CALCRL: variants seen among roughly 807,000 people sequenced by gnomAD.
CALCRL encodes the protein calcitonin gene-related peptide type 1 receptor.
In CALCRL, 27 loss-of-function variants were observed where a neutral mutation model predicts 60.4. The ratio of observed to expected loss-of-function variants is 0.45; its 90% CI spans 0.33 to 0.62. The LOEUF is 0.62. Among genes scored for constraint, CALCRL ranks in the 20% least tolerant of loss-of-function variants. The pLI, the probability that CALCRL is intolerant of heterozygous loss-of-function variation, is 0.03. For missense variants in CALCRL, 424 were observed against 540.7 expected (o/e 0.78, Z 2.14); for synonymous variants, 190 against 182.6 (o/e 1.04, Z -0.33).
At chr2:187,374,228 A>C (rs531748673) in intron 8 of CALCRL, among the ~76,000 whole-genome samples, 2 of 152,252 alleles carry the variant, frequency 1.3e-5, no homozygotes, top group African/African-American at 4.8e-5. Flanking sequence ...AGACATACAG[A>C]AAGTATTTAA....
intron 1 of CALCRL, among the ~76,000 whole-genome samples, chr2:187,444,766 C>CT (rs1013493139): frequency 1.8e-4 from 28 of 151,358 alleles, no homozygotes; most frequent in Middle Eastern, 3.4e-3. Flanking sequence ...CATTTCTTCT[C>CT]TTTTTTGTAA....
rs1687882446 is a variant in CALCRL at position 187,379,047 on chromosome 2, AC to A, written c.409-17del. ...TTAGTGCAGTCTGTAATTTGTATAA[AC>A]AAAAAAATTTGGTTCATATCAATAC... On this transcript the variant is annotated splice_polypyrimidine_tract_variant and intron_variant, in intron 7 of 14. Coordinates refer to ENST00000392370, the MANE Select transcript of CALCRL (RefSeq NM_005795.6). The A allele has an allele frequency of 6.5e-7, 1 of 1,531,204 alleles. No homozygotes were observed. Among genetic ancestry groups the A allele is most frequent in the African/African-American group, 1.4e-5 (1 of 73,108 alleles). The allele number at this position is 1,531,204 out of a possible 1,614,324, so 94.9% of individuals were successfully genotyped here.
rs1210273676 is a variant in CALCRL at position 187,359,213 on chromosome 2, TGTC to T, written c.838_840del (p.Asp280del). The stretch of plus-strand genomic sequence containing the variant: ...AATAATAAAAAGAGATTTTCTTACT[TGTC>T]ATTGTAATATAAGCTTCTAGCAATG... On this transcript the variant is annotated inframe_deletion and splice_region_variant, in exon 11 of 15. Coordinates refer to ENST00000392370, the MANE Select transcript of CALCRL (RefSeq NM_005795.6). The T allele has an allele frequency of 6.3e-7, 1 of 1,593,898 alleles. No individual in the cohort carries two copies. The highest frequency in any genetic ancestry group is 8.6e-7 in the Non-Finnish European group (1 of 1,168,132).
intron 1 of CALCRL, among the ~76,000 whole-genome samples, chr2:187,416,448 G>A (rs1307595352): frequency 6.6e-6 from 1 of 151,930 alleles, no homozygotes; most frequent in Non-Finnish European, 1.5e-5. Flanking sequence ...GAGTGGCCCT[G>A]TTTCTTACAC....
At chr2:187,437,098 A>G (rs1690676141) in intron 1 of CALCRL, among the ~76,000 whole-genome samples, 1 of 152,074 alleles carries the variant, frequency 6.6e-6, no homozygotes. Context: ...TTTTGGGTCA[A>G]TCTCCCAAGC....
intron 1 of CALCRL, among the ~76,000 whole-genome samples, chr2:187,438,822 CTT>C (rs1019831447): frequency 6.6e-6 from 1 of 152,104 alleles, no homozygotes; most frequent in Non-Finnish European, 1.5e-5. Context: ...TCTTTACTAA[CTT>C]TTTTCCTTTC....
Position 187,402,420 on chromosome 2 carries a change from AGT to A in CALCRL, c.-292-14666_-292-14665del, listed in dbSNP as rs59396175. Among the ~76,000 whole-genome samples, 7 of 148,382 alleles carry A rather than the reference AGT, an allele frequency of 4.7e-5. No homozygotes were observed. The East Asian group carries it at 5.9e-4, about 13-fold the overall frequency. On this transcript the variant is annotated intron_variant, in intron 1 of 14. Transcript: ENST00000392370. ...TTTACATGGAGGAAGTATGTTTGTGAGTGTGTGTGTGTGTGTATGTGAGAGAG... is the reference window on the plus strand; with the variant it reads ...TTTACATGGAGGAAGTATGTTTGTGAGTGTGTGTGTGTGTATGTGAGAGAG...
intron 1 of CALCRL, among the ~76,000 whole-genome samples, chr2:187,399,344 A>C (rs1688785781): frequency 6.6e-6 from 1 of 151,492 alleles, no homozygotes; most frequent in Non-Finnish European, 1.5e-5. Flanking sequence ...ATCCACAACT[A>C]ATATGTACCT....
At chr2:187,421,378 A>T (rs1397471327) in intron 1 of CALCRL, among the ~76,000 whole-genome samples, 1 of 152,158 alleles carries the variant, frequency 6.6e-6, no homozygotes, top group East Asian at 1.9e-4. Flanking sequence ...GCACCTCAGA[A>T]CATGAGACTT....
chr2:187,359,262 C>A lies in CALCRL; in HGVS notation c.792G>T (p.Leu264=). 1.3e-6 allele frequency: 2 copies of A among 1,549,096 alleles called. No homozygotes were observed. The highest frequency in any genetic ancestry group is 1.2e-5 in the South Asian group (1 of 80,116). The change falls in exon 11 of 15, where the codon CTG becomes CTT. Residue 264 remains leucine, a synonymous_variant. Transcript: ENST00000392370. ...WYYFLGWGFP[L]IPACIHAIAR... ...CAATGGCATGTATACAAGCAGGAAT[C>A]AGTGGAAATCCTGTAATAACAAAAA...
At chr2:187,412,928 T>C (rs539734392) in intron 1 of CALCRL, among the ~76,000 whole-genome samples, 20 of 152,344 alleles carry the variant, frequency 1.3e-4, no homozygotes, top group African/African-American at 4.8e-4. Flanking sequence ...TAAATATGCT[T>C]TGTTGATTGT....
At chr2:187,357,440 G>A (rs1172322060) in intron 12 of CALCRL, among the ~76,000 whole-genome samples, 6 of 150,230 alleles carry the variant, frequency 4.0e-5, no homozygotes, top group Non-Finnish European at 8.9e-5. Context: ...ACTCATAAGT[G>A]GGAGTTGAAC....
In CALCRL at chr2:187,379,070, A is replaced by T. The variant is rs767460639; in HGVS notation, c.409-39T>A. On this transcript the variant is annotated intron_variant, in intron 7 of 14. Transcript: ENST00000392370. ...AAACAAAAAAATTTGGTTCATATCA[A>T]TACTATAAGTATCTGTAATCCCACA... The T allele has an allele frequency of 7.9e-6, 8 of 1,014,000 alleles. No homozygotes were observed. The African/African-American group carries it at 1.3e-4, about 16-fold the overall frequency. The allele number at this position is 1,014,000 out of a possible 1,614,324, so 62.8% of individuals were successfully genotyped here.
intron 8 of CALCRL, among the ~76,000 whole-genome samples, chr2:187,378,448 A>T (rs993234089): frequency 6.6e-6 from 1 of 152,180 alleles, no homozygotes; most frequent in Admixed American, 6.5e-5. Flanking sequence ...TAAAATTGAA[A>T]GTACAATTAA....
chr2:187,422,726 T>C lies in CALCRL; in HGVS notation c.-293+25313A>G, dbSNP rs892412387. On this transcript the variant is annotated intron_variant, in intron 1 of 14. Coordinates refer to ENST00000392370, the MANE Select transcript of CALCRL (RefSeq NM_005795.6). ...ATTATCAGCAACATTGTGTTGCTGA[T>C]AACTTCTAAGAGACAAGATTAGGTT... Among the ~76,000 whole-genome samples, 3 of 151,960 alleles carry C rather than the reference T, an allele frequency of 2.0e-5. No individual in the cohort carries two copies. The South Asian group carries it at 6.2e-4, about 31-fold the overall frequency.
At chr2:187,360,106 G>A (rs1331298591) in intron 10 of CALCRL, among the ~76,000 whole-genome samples, 3 of 151,916 alleles carry the variant, frequency 2.0e-5, no homozygotes, top group East Asian at 1.9e-4. Context: ...ACCACATCAG[G>A]ATATTGTGTA....
At chr2:187,438,341 G>A (rs1690738636) in intron 1 of CALCRL, among the ~76,000 whole-genome samples, 1 of 152,096 alleles carries the variant, frequency 6.6e-6, no homozygotes, top group Non-Finnish European at 1.5e-5. Flanking sequence ...AATGAGGTAA[G>A]GTCATTGACA....
At chr2:187,396,021 T>TTG (rs1553511283) in intron 1 of CALCRL, among the ~76,000 whole-genome samples, 2 of 63,766 alleles carry the variant, frequency 3.1e-5, no homozygotes, top group African/African-American at 4.4e-5. Flanking sequence ...CCTGACACTG[T>TTG]TTGTTGTTGT....
In CALCRL at chr2:187,360,618, C is replaced by G; in HGVS notation, c.761G>C (p.Trp254Ser). 5 of 1,609,878 alleles carry G rather than the reference C, an allele frequency of 3.1e-6. No individual in the cohort carries two copies. The highest frequency in any genetic ancestry group is 4.2e-6 in the Non-Finnish European group (5 of 1,178,074). The stretch of plus-strand genomic sequence containing the variant: ...CTTACCCCAGCCAAGAAAATAATAC[C>G]ACATTAAATGTTGCTTCTCTGCAAA... ...AVFAEKQHLMWYYFLGWGFPL... is the reference protein window; with the variant it reads ...AVFAEKQHLMSYYFLGWGFPL... The change falls in exon 10 of 15, where the codon TGG becomes TCG. Residue 254 changes from tryptophan to serine, a missense_variant. This residue lies in a region of CALCRL where 222 missense variants were observed against 265.6 expected (regional missense o/e 0.84). Coordinates refer to ENST00000392370, the MANE Select transcript of CALCRL (RefSeq NM_005795.6).
Sources: gnomAD v4.1 joint callset for allele counts (sites outside exome capture counted in the v4.1 genomes callset) on GRCh38, gnomAD v4.1.1 for gene constraint, gnomAD v4.1.1 regional missense constraint, MANE v1.5 for transcripts, NCBI Gene and HGNC (gene_info 2026-07-23, HGNC 2026-07-21) for gene names.